NEK1: variants seen among roughly 807,000 people sequenced by gnomAD.
The protein encoded by NEK1 is NIMA related kinase 1, also known as serine/threonine-protein kinase Nek1.
Under a neutral mutation model 182.1 loss-of-function variants are expected in NEK1, and 137 were observed. That is an observed-to-expected ratio of 0.75 (90% CI 0.65 to 0.87). The LOEUF is 0.87. Among genes scored for constraint, NEK1 ranks in the 40% least tolerant of loss-of-function variants. NEK1 has a pLI of 0.00. For synonymous variants in NEK1, 513 were observed against 492.2 expected (o/e 1.04, Z -0.56); for missense variants, 1,391 against 1,494.4 (o/e 0.93, Z 1.14).
chr4:169,561,777 A>T, intron 14 of NEK1, 40 bp from the exon 15 acceptor site: 1 of 1,598,842 alleles, frequency 6.3e-7, no homozygotes, highest in Non-Finnish European at 8.5e-7. Flanking sequence ...CAACTCTTGA[A>T]CCTATTATCA....
intron 31 of NEK1, among the ~76,000 whole-genome samples, chr4:169,414,917 C>G (rs1344895332): frequency 1.3e-5 from 2 of 152,176 alleles, no homozygotes; most frequent in East Asian, 1.9e-4. Flanking sequence ...TGCTCTGTAA[C>G]CTACTTTAAC....
At chr4:169,589,581 T>C (rs534049122) in intron 6 of NEK1, 67 bp from the exon 7 acceptor site, 8 of 1,019,438 alleles carry the variant, frequency 7.8e-6, no homozygotes, top group East Asian at 5.4e-5. Flanking sequence ...GTCAACATTT[T>C]TCATAAAATT....
chr4:169,422,457 G>A (rs1428691555), intron 31 of NEK1, among the ~76,000 whole-genome samples: 3 of 151,992 alleles, frequency 2.0e-5, no homozygotes, highest in Non-Finnish European at 4.4e-5. Context: ...GTGAGGAGGT[G>A]GGATCCAAAG....
In NEK1 at chr4:169,590,823, T is replaced by G; in HGVS notation, c.313-14A>C. ...CCAGTCCAAAATCTAGGAAGAAAAA[T>G]CAGATCTGTCAAGCCTCTCTTTGAC... On this transcript the variant is annotated splice_polypyrimidine_tract_variant and intron_variant, in intron 5 of 35. Transcript: ENST00000507142. 5.2e-6 allele frequency: 8 copies of G among 1,531,372 alleles called. No individual in the cohort carries two copies. Among genetic ancestry groups the G allele is most frequent in the Non-Finnish European group, 7.2e-6 (8 of 1,118,548 alleles). The allele number at this position is 1,531,372 out of a possible 1,614,324, so 94.9% of individuals were successfully genotyped here.
intron 29 of NEK1, 73 bp downstream of exon 29, chr4:169,433,469 GCTT>G: frequency 7.3e-7 from 1 of 1,364,766 alleles, no homozygotes; most frequent in Non-Finnish European, 1.0e-6. Context: ...TGCAATATTA[GCTT>G]ATTATAGTAT....
intron 5 of NEK1, among the ~76,000 whole-genome samples, chr4:169,594,855 T>C (rs1769168035): frequency 6.6e-6 from 1 of 152,220 alleles, no homozygotes; most frequent in African/African-American, 2.4e-5. Flanking sequence ...CCTGGAGATT[T>C]GTCAGTAACT....
chr4:169,508,621 A>G, intron 20 of NEK1, 148 bp downstream of exon 20: 4 of 570,412 alleles, frequency 7.0e-6, no homozygotes, highest in South Asian at 7.3e-5. Context: ...ATTATAACAC[A>G]GAATGTCAGT....
chr4:169,479,340 A>C, intron 24 of NEK1, 63 bp downstream of exon 24: 2 of 1,508,444 alleles, frequency 1.3e-6, no homozygotes, highest in Non-Finnish European at 1.8e-6. Flanking sequence ...TGATTTCATT[A>C]AATTTAATTT....
chr4:169,426,147 T>G lies in NEK1; in HGVS notation c.2973A>C (p.Ile991=). ...TTAGACTAATGCAATGATGCTTACC[T>G]ATATGAATGTCACTAAGTTGGTCCA... ...STVDQLSDIH[I]EPGTNDSQHS... The change falls in exon 30 of 36, where the codon ATA becomes ATC. Residue 991 remains isoleucine (I), a splice_region_variant and synonymous_variant. Transcript: ENST00000507142. The G allele has an allele frequency of 6.2e-7, 1 of 1,610,304 alleles. No homozygotes were observed. The highest frequency in any genetic ancestry group is 1.3e-5 in the African/African-American group (1 of 74,974).
chr4:169,569,259 GTTTT>G (rs1267108759), intron 12 of NEK1, among the ~76,000 whole-genome samples: 1 of 152,048 alleles, frequency 6.6e-6, no homozygotes, highest in Non-Finnish European at 1.5e-5. Flanking sequence ...ACCTGAAGTA[GTTTT>G]TTTACATTAG....
intron 23 of NEK1, among the ~76,000 whole-genome samples, chr4:169,499,328 T>A (rs1371306445): frequency 6.6e-6 from 1 of 152,192 alleles, no homozygotes; most frequent in African/African-American, 2.4e-5. Flanking sequence ...GGTTTTTAAC[T>A]TCTTTGCCAT....
intron 27 of NEK1, among the ~76,000 whole-genome samples, chr4:169,460,855 T>C (rs28482904): frequency 2.8e-4 from 43 of 152,150 alleles, no homozygotes; most frequent in African/African-American, 9.9e-4. Flanking sequence ...AAATCGACCC[T>C]CACAAATAAA....
intron 19 of NEK1, among the ~76,000 whole-genome samples, chr4:169,525,726 T>C (rs560084324): frequency 2.0e-5 from 3 of 152,340 alleles, no homozygotes; most frequent in Admixed American, 1.3e-4. Context: ...TCTGGCCTTT[T>C]ACAGGAAAAT....
chr4:169,524,267 C>A (rs1204155211), intron 19 of NEK1, among the ~76,000 whole-genome samples: 1 of 152,008 alleles, frequency 6.6e-6, no homozygotes, highest in Non-Finnish European at 1.5e-5. Flanking sequence ...GTGTTTGGGG[C>A]CAGCCTGACC....
intron 31 of NEK1, among the ~76,000 whole-genome samples, chr4:169,414,939 G>A (rs573160368): frequency 6.6e-6 from 1 of 152,092 alleles, no homozygotes; most frequent in Non-Finnish European, 1.5e-5. Flanking sequence ...AAAATAGCTG[G>A]CCACCTAACC....
chr4:169,513,253 GA>G (rs1754488705), intron 19 of NEK1, among the ~76,000 whole-genome samples: 1 of 152,014 alleles, frequency 6.6e-6, no homozygotes, highest in Non-Finnish European at 1.5e-5. Context: ...GGTCTTCTTA[GA>G]TTTTTTTCAC....
chr4:169,474,868 C>T (rs1489941166), intron 26 of NEK1, among the ~76,000 whole-genome samples: 1 of 152,104 alleles, frequency 6.6e-6, no homozygotes, highest in East Asian at 1.9e-4. Flanking sequence ...GTGCAATAGC[C>T]TCTAAAAACT....
At chr4:169,505,700 C>T (rs1428940621) in intron 23 of NEK1, among the ~76,000 whole-genome samples, 1 of 152,120 alleles carries the variant, frequency 6.6e-6, no homozygotes, top group Non-Finnish European at 1.5e-5. Flanking sequence ...ACTGTTGTTA[C>T]TATGATGTAT....
chr4:169,488,544 G>A (rs1749466175), intron 23 of NEK1, among the ~76,000 whole-genome samples: 2 of 151,948 alleles, frequency 1.3e-5, no homozygotes, highest in Admixed American at 1.3e-4. Flanking sequence ...GTCTATTTTT[G>A]TACCAGTACC....
Sources: allele counts gnomAD v4.1 joint callset (sites outside exome capture counted in the v4.1 genomes callset), GRCh38; gene constraint gnomAD v4.1.1; transcripts MANE v1.5; gene names NCBI Gene and HGNC (gene_info 2026-07-23, HGNC 2026-07-21).